Variants in SLC5A8 observed in about 807,000 individuals in gnomAD.
The protein encoded by SLC5A8 is solute carrier family 5 member 8.
A neutral mutation model predicts 71.9 loss-of-function variants in SLC5A8; 55 were observed. That is an observed-to-expected ratio of 0.77 (90% CI 0.62 to 0.96). The LOEUF (loss-of-function observed/expected upper bound fraction) is 0.96. SLC5A8 is among the 40% of genes least tolerant of loss of function. The pLI is 0.00. For synonymous variants in SLC5A8, 307 were observed against 276.1 expected, an observed-to-expected ratio of 1.11 and a Z score of -1.11; for missense variants, 701 against 745.3, an observed-to-expected ratio of 0.94 and a Z score of 0.69.
chr12:101,188,764 A>G (rs143504826), intron 6 of SLC5A8, among the ~76,000 whole-genome samples: 3 of 152,344 alleles, frequency 2.0e-5, no homozygotes, highest in East Asian at 3.9e-4. Flanking sequence ...TGAATTGACT[A>G]ACATTGCAGT....
intron 13 of SLC5A8, among the ~76,000 whole-genome samples, chr12:101,159,517 T>A (rs1309172208): frequency 6.6e-6 from 1 of 152,230 alleles, no homozygotes; most frequent in Non-Finnish European, 1.5e-5. Flanking sequence ...TATACTACGA[T>A]AGGTTTTAAA....
chr12:101,194,981 T>C lies in SLC5A8; in HGVS notation c.537+114A>G, dbSNP rs190462753. 8.0e-5 allele frequency: 73 copies of C among 914,468 alleles called. 2 individuals are homozygous for C. In the Admixed American group the frequency reaches 1.2e-3, roughly 16 times the overall value. 56.6% of individuals were successfully genotyped at this position (914,468 alleles called of 1,614,324 possible). ...ACAAAAAAAGTTACACTGCAGGAGGTTGGGAATAGGAGAGTAAGTGTGGAC... is the reference window on the plus strand; with the variant it reads ...ACAAAAAAAGTTACACTGCAGGAGGCTGGGAATAGGAGAGTAAGTGTGGAC... On this transcript the variant is annotated intron_variant, in intron 4 of 14. Transcript: ENST00000536262.
At chr12:101,190,693 A>T in intron 5 of SLC5A8, 85 bp from the exon 6 acceptor site, 1 of 1,248,476 alleles carries the variant, frequency 8.0e-7, no homozygotes, top group African/African-American at 1.5e-5. Context: ...GAAGCAAGCA[A>T]TGCACATTTA....
rs770653164 is a variant in SLC5A8, at chr12:101,195,076, A to C, written c.537+19T>G. The C allele has an allele frequency of 2.5e-6, 4 of 1,613,298 alleles. No homozygotes were observed. Among genetic ancestry groups the C allele is most frequent in the Admixed American group, 3.3e-5 (2 of 59,902 alleles). ...AAGCAAGTGGGTAGAGTGAAAAGGG[A>C]AATATGTCCTGGACGTACCAGTGTG... On this transcript the variant is annotated intron_variant, in intron 4 of 14. Coordinates refer to ENST00000536262, the MANE Select transcript of SLC5A8 (RefSeq NM_145913.5).
At chr12:101,208,002 C>T (rs1169911285) in intron 1 of SLC5A8, among the ~76,000 whole-genome samples, 1 of 151,834 alleles carries the variant, frequency 6.6e-6, no homozygotes, top group Non-Finnish European at 1.5e-5. Flanking sequence ...TTCCTGTGGC[C>T]ACAGGGAGCA....
chr12:101,210,179 T>G lies in SLC5A8; in HGVS notation c.-331A>C. 11 of 322,184 alleles carry G rather than the reference T, an allele frequency of 3.4e-5. No individual in the cohort carries two copies. Among genetic ancestry groups the G allele is most frequent in the Non-Finnish European group, 5.6e-5 (10 of 178,542 alleles). 20.0% of individuals were successfully genotyped at this position (322,184 alleles called of 1,614,324 possible). A position where few individuals can be genotyped will look rare whatever the true frequency, so the allele number is the denominator to read the frequency against. The stretch of plus-strand genomic sequence containing the variant: ...CGGGGACACCTGAGCAGATGAGAAC[T>G]GGAGCCTCCAGCTGCTTCCAGCGAA... On this transcript the variant is annotated 5_prime_UTR_variant, in exon 1 of 15. Coordinates refer to ENST00000536262, the MANE Select transcript of SLC5A8 (RefSeq NM_145913.5).
chr12:101,171,075 C>T (rs1334091291), intron 10 of SLC5A8, among the ~76,000 whole-genome samples: 1 of 152,144 alleles, frequency 6.6e-6, no homozygotes, highest in Non-Finnish European at 1.5e-5. Flanking sequence ...GACTGACAGA[C>T]CAGGAGGGTT....
At chr12:101,185,096 A>G (rs1868573457) in intron 7 of SLC5A8, among the ~76,000 whole-genome samples, 1 of 152,182 alleles carries the variant, frequency 6.6e-6, no homozygotes, top group Admixed American at 6.5e-5. Context: ...TCATTTAACA[A>G]TAGTGTGCTC....
chr12:101,181,004 G>A (rs1443664674), intron 9 of SLC5A8, among the ~76,000 whole-genome samples: 1 of 151,972 alleles, frequency 6.6e-6, no homozygotes, highest in Non-Finnish European at 1.5e-5. Context: ...AACCCCCTTT[G>A]TTTTAATACT....
At chr12:101,200,446 A>C (rs1315524520) in intron 3 of SLC5A8, among the ~76,000 whole-genome samples, 1 of 152,112 alleles carries the variant, frequency 6.6e-6, no homozygotes, top group Non-Finnish European at 1.5e-5. Context: ...GGAAAAAAGA[A>C]AGAAAGAAAA....
intron 12 of SLC5A8, among the ~76,000 whole-genome samples, chr12:101,162,406 G>GA (rs1466680223): frequency 6.6e-6 from 1 of 152,082 alleles, no homozygotes; most frequent in Non-Finnish European, 1.5e-5. Context: ...ACATCCAAAG[G>GA]AAAATAAATT....
rs115086259 is a variant in SLC5A8, at chr12:101,173,138, A to G, written c.1234-4956T>C. 4.8e-3 allele frequency among the ~76,000 whole-genome samples: 737 copies of G among 152,354 alleles called. 6 individuals carry two copies. Among genetic ancestry groups the G allele is most frequent in the African/African-American group, 0.017 (701 of 41,590 alleles). ...TCTACTCTGTGCCTGGATAAGCTCA[A>G]CAGGGTCTTGAAATAAGGAAATGAT... is the stretch of plus-strand genomic sequence containing the variant. On this transcript the variant is annotated intron_variant, in intron 10 of 14. Coordinates refer to ENST00000536262, the MANE Select transcript of SLC5A8 (RefSeq NM_145913.5).
intron 10 of SLC5A8, among the ~76,000 whole-genome samples, chr12:101,175,679 A>T (rs934367712): frequency 6.6e-6 from 1 of 152,140 alleles, no homozygotes; most frequent in Non-Finnish European, 1.5e-5. Context: ...AAGGGAAAAC[A>T]ATTAGAATAG....
Position 101,187,293 on chromosome 12 carries a change from G to T in SLC5A8, c.963+93C>A, listed in dbSNP as rs1868686264. The T allele has an allele frequency of 5.9e-6, 8 of 1,359,494 alleles. No homozygotes were observed. In the South Asian group the frequency reaches 1.6e-4, roughly 27 times the overall value. The allele number at this position is 1,359,494 out of a possible 1,614,324, so 84.2% of individuals were successfully genotyped here. A position where few individuals can be genotyped will look rare whatever the true frequency, so the allele number is the denominator to read the frequency against. ...GATGATGATGGCATGTCCACTTTCC[G>T]TTTCTCTACAAGAATATGAATGCTC... On this transcript the variant is annotated intron_variant, in intron 7 of 14. Transcript: ENST00000536262.
chr12:101,168,438 C>T (rs1593364394), intron 10 of SLC5A8, among the ~76,000 whole-genome samples: 1 of 152,148 alleles, frequency 6.6e-6, no homozygotes, highest in Non-Finnish European at 1.5e-5. Context: ...GAGAGGTCTG[C>T]GACAATGGTA....
At chr12:101,202,091 C>G (rs1869479789) in intron 3 of SLC5A8, 73 bp downstream of exon 3, 1 of 1,433,810 alleles carries the variant, frequency 7.0e-7, no homozygotes, top group African/African-American at 1.4e-5. Context: ...CCCATCTCCC[C>G]AAGGAGAAAA....
intron 6 of SLC5A8, among the ~76,000 whole-genome samples, chr12:101,189,750 A>G: frequency 6.6e-6 from 1 of 152,104 alleles, no homozygotes; most frequent in East Asian, 1.9e-4. Flanking sequence ...CACCTGCCCA[A>G]ATTATGATCA....
chr12:101,190,439 T>C (rs776661195), intron 6 of SLC5A8, 29 bp downstream of exon 6: 14 of 1,597,830 alleles, frequency 8.8e-6, no homozygotes, highest in Non-Finnish European at 1.2e-5. Context: ...TGGTTATTAA[T>C]GATTCATATA....
At chr12:101,192,902 CT>C (rs546151360) in intron 5 of SLC5A8, among the ~76,000 whole-genome samples, 7,241 of 139,526 alleles carry the variant, frequency 0.052, 450 homozygotes, top group African/African-American at 0.15. Flanking sequence ...GTCTCTGTCT[CT>C]TTTTTTTTTT....
Sources: allele counts gnomAD v4.1 joint callset (sites outside exome capture counted in the v4.1 genomes callset), GRCh38; gene constraint gnomAD v4.1.1; transcripts MANE v1.5; gene names NCBI Gene and HGNC (gene_info 2026-07-23, HGNC 2026-07-21).